The following RAB11FIP1 variants were observed in gnomAD, a reference collection of about 807,000 sequenced individuals.
RAB11FIP1 encodes the protein rab11 family-interacting protein 1.
A neutral mutation model predicts 83.1 loss-of-function variants in RAB11FIP1; 49 were observed. The ratio of observed to expected loss-of-function variants is 0.59; its 90% CI spans 0.47 to 0.75. The LOEUF (loss-of-function observed/expected upper bound fraction) is 0.75. Ranked by LOEUF, RAB11FIP1 falls within the 30% of genes least tolerant of loss-of-function variation. RAB11FIP1 has a pLI of 0.00. For missense variants in RAB11FIP1, 1,536 were observed against 1,598.7 expected, an observed-to-expected ratio of 0.96 and a Z score of 0.67; for synonymous variants, 670 against 656.0, an observed-to-expected ratio of 1.02 and a Z score of -0.33.
At chr8:37,875,891 A>C (rs1486847462) in intron 2 of RAB11FIP1, among the ~76,000 whole-genome samples, 9 of 152,214 alleles carry the variant, frequency 5.9e-5, no homozygotes, top group Admixed American at 5.9e-4. Context: ...TTATAGAGCC[A>C]GGAACTCTGG....
At position 37,871,533 on chromosome 8, in the gene RAB11FIP1, G is replaced by C; in HGVS notation, c.3269C>G (p.Ser1090Cys). Residue 1090 changes from serine to cysteine, a missense_variant, in exon 4 of 6, where the codon TCC becomes TGC. By Grantham distance (112) the Ser-to-Cys change is moderately radical. Transcript: ENST00000330843. Reference sequence around the variant, plus strand: ...GGGGCTGGGTACAGGATTGTCCAGGGATGTGCCAGGAGGCGGGCTTGGACT... The same window carrying C: ...GGGGCTGGGTACAGGATTGTCCAGGCATGTGCCAGGAGGCGGGCTTGGACT... ...NGSPSPPPGTSLDNPVPSPSP... is the reference protein window; with the variant it reads ...NGSPSPPPGTCLDNPVPSPSP... 1 of 1,605,244 alleles carries C rather than the reference G, an allele frequency of 6.2e-7. No individual in the cohort carries two copies. Among genetic ancestry groups the C allele is most frequent in the Non-Finnish European group, 8.5e-7 (1 of 1,174,526 alleles).
rs1353147514 is a variant in RAB11FIP1, at chr8:37,874,996, G to T, written c.1141C>A (p.Leu381Ile). ...EGGGLSSDRQ[L>I]SESSTKDSLK... Reference sequence around the variant, plus strand: ...GAGTCCTTGGTGGAAGATTCGGAGAGCTGCCTGTCAGAAGACAGCCCACCT... The same window carrying T: ...GAGTCCTTGGTGGAAGATTCGGAGATCTGCCTGTCAGAAGACAGCCCACCT... Residue 381 changes from leucine to isoleucine, a missense_variant, in exon 3 of 6, where the codon CTC (leucine) becomes ATC (isoleucine). Leu to Ile is a conservative substitution (Grantham distance 5). Coordinates refer to ENST00000330843, the MANE Select transcript of RAB11FIP1 (RefSeq NM_001002814.3). 1.2e-6 allele frequency: 2 copies of T among 1,614,144 alleles called. No homozygotes were observed. Among genetic ancestry groups the T allele is most frequent in the Non-Finnish European group, 1.7e-6 (2 of 1,180,024 alleles).
Position 37,872,410 on chromosome 8 carries a change from G to T in RAB11FIP1, c.2392C>A (p.Leu798Ile), listed in dbSNP as rs951783445. 6.2e-7 allele frequency: 1 copy of T among 1,614,160 alleles called. No individual in the cohort carries two copies. Among genetic ancestry groups the T allele is most frequent in the Non-Finnish European group, 8.5e-7 (1 of 1,180,026 alleles). ...MRKLEEMGLN[L>I]RKDQKKTKKR... ...TTGGTTTTCTTCTGGTCCTTGCGGAGGTTCAGACCCATCTCTTCCAGCTTC... is the reference window on the plus strand; with the variant it reads ...TTGGTTTTCTTCTGGTCCTTGCGGATGTTCAGACCCATCTCTTCCAGCTTC... Residue 798 changes from leucine to isoleucine, a missense_variant, in exon 4 of 6, where the codon CTC (leucine) becomes ATC (isoleucine). Transcript: ENST00000330843.
At chr8:37,863,537 C>T (rs1479443646) in intron 5 of RAB11FIP1, among the ~76,000 whole-genome samples, 1 of 152,094 alleles carries the variant, frequency 6.6e-6, no homozygotes, top group African/African-American at 2.4e-5. Flanking sequence ...CATGAGCCAC[C>T]GTGCCCAGCC....
intron 1 of RAB11FIP1, among the ~76,000 whole-genome samples, chr8:37,880,748 A>G (rs1467595167): frequency 3.4e-5 from 5 of 147,714 alleles, no homozygotes; most frequent in South Asian, 4.3e-4. Context: ...TGCGCAACAG[A>G]GTGAGACCCT....
At chr8:37,887,197 T>C (rs1806850176) in intron 1 of RAB11FIP1, among the ~76,000 whole-genome samples, 1 of 152,120 alleles carries the variant, frequency 6.6e-6, no homozygotes, top group African/African-American at 2.4e-5. Flanking sequence ...TCCAGCAGCA[T>C]GGAAAGGCTG....
rs1807129957 is a variant in RAB11FIP1, at chr8:37,898,134, C to G, written c.371+937G>C. Among the ~76,000 whole-genome samples, 3 of 152,246 alleles carry G rather than the reference C, an allele frequency of 2.0e-5. No individual in the cohort carries two copies. In the South Asian group the frequency reaches 6.2e-4, roughly 31 times the overall value. The stretch of plus-strand genomic sequence containing the variant: ...CTACCACCCTAGTAAGAAGAAGGCA[C>G]CTGCCCACGTATAGTTGGAATTCAT... On this transcript the variant is annotated intron_variant, in intron 1 of 5. Coordinates refer to ENST00000330843, the MANE Select transcript of RAB11FIP1 (RefSeq NM_001002814.3).
At chr8:37,869,604 A>G (rs1017976802) in intron 5 of RAB11FIP1, among the ~76,000 whole-genome samples, 5 of 152,064 alleles carry the variant, frequency 3.3e-5, no homozygotes, top group Admixed American at 6.6e-5. Context: ...AAAAAAGAAA[A>G]AGTTCCCTGA....
intron 1 of RAB11FIP1, among the ~76,000 whole-genome samples, chr8:37,881,819 T>C (rs1435101067): frequency 6.6e-6 from 1 of 152,174 alleles, no homozygotes. Context: ...AAGGTCTTTA[T>C]AGACAATGTC....
Position 37,899,488 on chromosome 8 carries a change from C to G in RAB11FIP1, c.-47G>C, listed in dbSNP as rs941158106. 20 of 1,479,682 alleles carry G rather than the reference C, an allele frequency of 1.4e-5. No individual in the cohort carries two copies. Among genetic ancestry groups the G allele is most frequent in the Middle Eastern group, 1.8e-4 (1 of 5,490 alleles). 91.7% of individuals were successfully genotyped at this position (1,479,682 alleles called of 1,614,324 possible). ...GCGAGGAGAAGATCGCCGCGACTGG[C>G]GGCCTCCACGGCCCGCCCCGGCGAC... On this transcript the variant is annotated 5_prime_UTR_variant, in exon 1 of 6. Transcript: ENST00000330843. The surrounding 1 kb of genome is among the most constrained non-coding windows in gnomAD (Gnocchi z 4.5).
At position 37,877,549 on chromosome 8, in the gene RAB11FIP1, C is replaced by T; in HGVS notation, c.374G>A (p.Trp125Ter). The change falls in exon 2 of 6, where the codon TGG becomes TAG. Residue 125 changes from tryptophan (W) to a stop codon, truncating the protein, a stop_gained and splice_region_variant. Transcript: ENST00000330843. LOFTEE classifies it high-confidence loss of function. ...TCCTGGTTTGGATTTCAACTTATAC[C>T]ACCTGAAAGGAGAAAGGCTGAGGAG... ...HRDQGRRKTQ[W>*]YKLKSKPGKK... The T allele has an allele frequency of 6.3e-7, 1 of 1,598,430 alleles. No homozygotes were observed. The highest frequency in any genetic ancestry group is 8.5e-7 in the Non-Finnish European group (1 of 1,175,716).
chr8:37,877,308 C>T lies in RAB11FIP1; in HGVS notation c.615G>A (p.Glu205=). The T allele has an allele frequency of 6.2e-7, 1 of 1,614,224 alleles. No individual in the cohort carries two copies. Among genetic ancestry groups the T allele is most frequent in the Non-Finnish European group, 8.5e-7 (1 of 1,180,030 alleles). The change falls in exon 2 of 6, where the codon GAG becomes GAA. Residue 205 remains glutamate, a synonymous_variant. Transcript: ENST00000330843. ...TCTTTTTCTTGTCTTTAACCACAGA[C>T]TCATCATCACTGTCGACCGAAGGTG... ...STTPSVDSDD[E]SVVKDKKKKS... is the part of the protein sequence containing the mutation.
chr8:37,883,308 C>T (rs1015388310), intron 1 of RAB11FIP1, among the ~76,000 whole-genome samples: 6 of 152,106 alleles, frequency 3.9e-5, no homozygotes, highest in Admixed American at 2.6e-4. Flanking sequence ...AACCGATTCT[C>T]CTGCCTCAGC....
At chr8:37,898,860 T>C (rs1195749132) in intron 1 of RAB11FIP1, among the ~76,000 whole-genome samples, 3 of 150,440 alleles carry the variant, frequency 2.0e-5, no homozygotes, top group African/African-American at 7.3e-5. Flanking sequence ...TACGGCCCCT[T>C]CTTCCAAGAA....
intron 3 of RAB11FIP1, among the ~76,000 whole-genome samples, chr8:37,873,859 A>T (rs984163939): frequency 1.4e-5 from 2 of 143,332 alleles, no homozygotes; most frequent in African/African-American, 5.8e-5. Context: ...AACAGTGTGT[A>T]TGTGTGTGTA....
At chr8:37,883,263 A>G (rs1193648070) in intron 1 of RAB11FIP1, among the ~76,000 whole-genome samples, 1 of 150,312 alleles carries the variant, frequency 6.7e-6, no homozygotes, top group Non-Finnish European at 1.5e-5. Context: ...CAGTGACGTG[A>G]TCTCAGCTCA....
At chr8:37,889,000 T>G (rs578138677) in intron 1 of RAB11FIP1, among the ~76,000 whole-genome samples, 4 of 151,978 alleles carry the variant, frequency 2.6e-5, no homozygotes, top group Non-Finnish European at 5.9e-5. Context: ...GGTTTCACCA[T>G]GTTAGCCAAG....
At chr8:37,884,205 C>T (rs912105078) in intron 1 of RAB11FIP1, among the ~76,000 whole-genome samples, 3 of 151,610 alleles carry the variant, frequency 2.0e-5, no homozygotes, top group Admixed American at 2.0e-4. Context: ...GCTGGGAGTA[C>T]AGGCGCACAC....
intron 3 of RAB11FIP1, among the ~76,000 whole-genome samples, chr8:37,873,725 T>G (rs569872461): frequency 4.9e-4 from 74 of 152,310 alleles, no homozygotes; most frequent in African/African-American, 1.7e-3. Flanking sequence ...CAATAGCCTC[T>G]GGTTTCTTGT....
Sources: gnomAD v4.1 joint callset for allele counts (sites outside exome capture counted in the v4.1 genomes callset) on GRCh38, gnomAD v4.1.1 for gene constraint, Gnocchi (gnomAD v3.1) non-coding constraint, MANE v1.5 for transcripts, NCBI Gene and HGNC (gene_info 2026-07-23, HGNC 2026-07-21) for gene names.